DAPK2: variants seen among roughly 807,000 people sequenced by gnomAD.
The protein encoded by DAPK2 is death-associated protein kinase 2.
Under a neutral mutation model 44.1 loss-of-function variants are expected in DAPK2, and 35 were observed. That is an observed-to-expected ratio of 0.79 (90% CI 0.61 to 1.05). DAPK2 has a LOEUF of 1.05. Among genes scored for constraint, DAPK2 ranks in the 50% least tolerant of loss-of-function variants. The pLI, the probability that DAPK2 is intolerant of heterozygous loss-of-function variation, is 0.00. For missense variants in DAPK2, 453 were observed against 483.2 expected (o/e 0.94, Z 0.59); for synonymous variants, 174 against 182.6 (o/e 0.95, Z 0.38).
chr15:64,026,734 T>C (rs1482438939), intron 1 of DAPK2, among the ~76,000 whole-genome samples: 1 of 152,198 alleles, frequency 6.6e-6, no homozygotes, highest in Non-Finnish European at 1.5e-5. Flanking sequence ...GCAGACCCCT[T>C]GGCAGGAGTT....
chr15:64,016,772 G>A (rs558458512), intron 1 of DAPK2, among the ~76,000 whole-genome samples: 2 of 151,206 alleles, frequency 1.3e-5, no homozygotes, highest in African/African-American at 4.9e-5. Flanking sequence ...TAGTCTGGGT[G>A]GCAGAGAAGA....
intron 1 of DAPK2, among the ~76,000 whole-genome samples, chr15:64,034,441 C>T (rs1188612043): frequency 2.0e-5 from 3 of 152,178 alleles, no homozygotes; most frequent in African/African-American, 4.8e-5. Flanking sequence ...CTTCCCCCGC[C>T]GAAGTCTCTC....
At chr15:63,984,585 G>C (rs2078620123) in intron 1 of DAPK2, among the ~76,000 whole-genome samples, 1 of 152,216 alleles carries the variant, frequency 6.6e-6, no homozygotes, top group Non-Finnish European at 1.5e-5. Flanking sequence ...AGCAGGAGCA[G>C]ATCTAAGTCC....
At chr15:63,943,600 C>T (rs544562100) in intron 3 of DAPK2, among the ~76,000 whole-genome samples, 1 of 151,712 alleles carries the variant, frequency 6.6e-6, no homozygotes, top group South Asian at 2.1e-4. Flanking sequence ...AGGCCGGGCG[C>T]AGTGGCTCAT....
chr15:64,039,159 C>A (rs991990415), intron 1 of DAPK2, among the ~76,000 whole-genome samples: 2 of 152,192 alleles, frequency 1.3e-5, no homozygotes, highest in South Asian at 4.1e-4. Context: ...CATGGGCATG[C>A]GTCCTCAATC....
In DAPK2 at chr15:63,923,322, G is replaced by A. The variant is rs1188863740; in HGVS notation, c.858+1494C>T. Reference sequence around the variant, plus strand: ...GTGGGCTCTGTCTTCCGCTGTTCAGGGGCTCTGCCTTCTCCTTTTGACTGG... The same window carrying A: ...GTGGGCTCTGTCTTCCGCTGTTCAGAGGCTCTGCCTTCTCCTTTTGACTGG... On this transcript the variant is annotated intron_variant, in intron 8 of 10. Coordinates refer to ENST00000261891, the Ensembl canonical transcript of DAPK2. This position sits in a 1 kb window ranked among gnomAD's most constrained non-coding sequence, Gnocchi z 4.2. The A allele has an allele frequency of 6.5e-7, 1 of 1,535,574 alleles. No individual in the cohort carries two copies. Among genetic ancestry groups the A allele is most frequent in the Non-Finnish European group, 8.7e-7 (1 of 1,146,506 alleles).
In DAPK2 at chr15:63,923,158, G is replaced by C; in HGVS notation, c.858+1658C>G. ...GGATGGTATCGTGGGCCTCCACCAG[G>C]GCACGGCATCCCAGGTCGACCCGAG... is the stretch of plus-strand genomic sequence containing the variant. On this transcript the variant is annotated intron_variant, in intron 8 of 10. Transcript: ENST00000261891. This position sits in a 1 kb window ranked among gnomAD's most constrained non-coding sequence, Gnocchi z 4.2. The C allele has an allele frequency of 6.5e-7, 1 of 1,535,792 alleles. No homozygotes were observed. Among genetic ancestry groups the C allele is most frequent in the East Asian group, 2.4e-5 (1 of 40,898 alleles).
At chr15:63,989,634 T>G (rs2078762521) in intron 1 of DAPK2, among the ~76,000 whole-genome samples, 1 of 152,194 alleles carries the variant, frequency 6.6e-6, no homozygotes, top group Non-Finnish European at 1.5e-5. Flanking sequence ...CTCGATTTTA[T>G]TATCGGTTTG....
chr15:64,016,026 T>C (rs1240620760), intron 1 of DAPK2, among the ~76,000 whole-genome samples: 2 of 152,166 alleles, frequency 1.3e-5, no homozygotes, highest in East Asian at 3.8e-4. Flanking sequence ...GGAGGAAGGC[T>C]TGGGTTCTTC....
chr15:63,946,117 A>G (rs1024773430), intron 3 of DAPK2, among the ~76,000 whole-genome samples: 2 of 152,216 alleles, frequency 1.3e-5, no homozygotes, highest in Admixed American at 6.5e-5. Context: ...GCCTGCCACC[A>G]GGAGGCAGAA....
intron 3 of DAPK2, among the ~76,000 whole-genome samples, chr15:63,963,219 G>C (rs1316176305): frequency 2.0e-5 from 3 of 152,164 alleles, no homozygotes; most frequent in Non-Finnish European, 4.4e-5. Context: ...ATTAGGGTGG[G>C]AGTGTCCCGA....
chr15:63,985,514 C>T (rs1259649650), intron 1 of DAPK2, among the ~76,000 whole-genome samples: 1 of 152,214 alleles, frequency 6.6e-6, no homozygotes, highest in Non-Finnish European at 1.5e-5. Flanking sequence ...TCCGACACCT[C>T]AAGCAGCCGC....
At chr15:63,913,853 A>G (rs2078858581) in intron 8 of DAPK2, among the ~76,000 whole-genome samples, 1 of 152,220 alleles carries the variant, frequency 6.6e-6, no homozygotes, top group Admixed American at 6.5e-5. Context: ...CCTGACATGA[A>G]CAAGGCACAT....
At chr15:64,032,894 T>C (rs2080057108) in intron 1 of DAPK2, among the ~76,000 whole-genome samples, 1 of 152,026 alleles carries the variant, frequency 6.6e-6, no homozygotes, top group Non-Finnish European at 1.5e-5. Flanking sequence ...AAGACCAGCC[T>C]GGCCAACATA....
chr15:63,915,252 G>A (rs545265316), intron 8 of DAPK2, among the ~76,000 whole-genome samples: 1 of 152,272 alleles, frequency 6.6e-6, no homozygotes, highest in South Asian at 2.1e-4. Context: ...TTGCAGGTAG[G>A]GAGGGCTGAC....
upstream of DAPK2, chr15:64,040,411 T>C (rs2080321300): frequency 1.4e-5 from 9 of 624,372 alleles, 1 homozygote; most frequent in South Asian, 1.1e-4. Context: ...ACTGCCCTGC[T>C]CAAGCCTTTT....
intron 1 of DAPK2, among the ~76,000 whole-genome samples, chr15:64,012,658 G>A (rs2141028518): frequency 6.6e-6 from 1 of 152,292 alleles, no homozygotes. Flanking sequence ...GATCCCATCT[G>A]TGTATATAGT....
At chr15:64,007,532 G>A (rs2079267444) in intron 1 of DAPK2, among the ~76,000 whole-genome samples, 1 of 152,180 alleles carries the variant, frequency 6.6e-6, no homozygotes, top group Non-Finnish European at 1.5e-5. Context: ...GGGAAGGCAG[G>A]CACAGGTCCC....
intron 1 of DAPK2, among the ~76,000 whole-genome samples, chr15:64,001,469 G>A (rs1196696871): frequency 1.3e-5 from 2 of 152,104 alleles, no homozygotes; most frequent in East Asian, 3.8e-4. Context: ...CACAGCCTAA[G>A]AAGACAACAG....
Sources: allele counts gnomAD v4.1 joint callset (sites outside exome capture counted in the v4.1 genomes callset), GRCh38; gene constraint gnomAD v4.1.1; non-coding constraint Gnocchi (gnomAD v3.1); transcripts MANE v1.5; gene names NCBI Gene and HGNC (gene_info 2026-07-23, HGNC 2026-07-21).